ATRNL1: variants seen among roughly 807,000 people sequenced by gnomAD.
The protein encoded by ATRNL1 is attractin-like protein 1.
ATRNL1 carries 95 observed loss-of-function variants against 182.7 expected under a neutral mutation model. The ratio of observed to expected loss-of-function variants is 0.52; its 90% CI spans 0.44 to 0.62. ATRNL1 has a LOEUF of 0.62. ATRNL1 is among the 20% of genes least tolerant of loss of function. ATRNL1 has a pLI of 0.00. For missense variants in ATRNL1, 1,471 were observed against 1,679.5 expected, an observed-to-expected ratio of 0.88 and a Z score of 2.17; for synonymous variants, 576 against 568.3, an observed-to-expected ratio of 1.01 and a Z score of -0.19.
At chr10:115,220,850 G>A (rs1324778965) in intron 9 of ATRNL1, among the ~76,000 whole-genome samples, 1 of 151,118 alleles carries the variant, frequency 6.6e-6, no homozygotes. Flanking sequence ...CCACTATAAA[G>A]CCTGCTACCA....
chr10:115,496,948 C>T (rs1054230125), intron 24 of ATRNL1, among the ~76,000 whole-genome samples: 1 of 152,162 alleles, frequency 6.6e-6, no homozygotes, highest in African/African-American at 2.4e-5. Context: ...TCTAGCAAGG[C>T]TAGGGGAGAA....
At chr10:115,408,158 C>T (rs1029454725) in intron 20 of ATRNL1, among the ~76,000 whole-genome samples, 9 of 151,448 alleles carry the variant, frequency 5.9e-5, no homozygotes, top group African/African-American at 7.3e-5. Context: ...CGCCCGCCAC[C>T]GCGCCCGGCT....
chr10:115,890,381 A>G (rs1338645823), intron 28 of ATRNL1, among the ~76,000 whole-genome samples: 2 of 152,196 alleles, frequency 1.3e-5, no homozygotes, highest in Admixed American at 1.3e-4. Flanking sequence ...ACTTTGTAGT[A>G]TGCATCTTTC....
At chr10:115,833,688 C>T (rs1378355015) in intron 27 of ATRNL1, among the ~76,000 whole-genome samples, 1 of 152,094 alleles carries the variant, frequency 6.6e-6, no homozygotes, top group African/African-American at 2.4e-5. Flanking sequence ...TGCCATTTTA[C>T]AGATGAGGAA....
chr10:115,738,471 A>G (rs1555066792), intron 27 of ATRNL1, among the ~76,000 whole-genome samples: 1 of 152,070 alleles, frequency 6.6e-6, no homozygotes, highest in Non-Finnish European at 1.5e-5. Flanking sequence ...ATTATTTACA[A>G]TAAATAAGAG....
chr10:115,669,888 C>T (rs542128413), intron 26 of ATRNL1, among the ~76,000 whole-genome samples: 1 of 152,088 alleles, frequency 6.6e-6, no homozygotes, highest in African/African-American at 2.4e-5. Flanking sequence ...AAACTGAGAA[C>T]AAGAAAAGGT....
intron 26 of ATRNL1, among the ~76,000 whole-genome samples, chr10:115,688,967 A>C (rs1285215852): frequency 6.6e-6 from 1 of 152,024 alleles, no homozygotes; most frequent in Non-Finnish European, 1.5e-5. Context: ...TTTTGAGTTT[A>C]CTTTTGTGTA....
chr10:115,576,827 C>T (rs1167132711), intron 26 of ATRNL1, among the ~76,000 whole-genome samples: 1 of 151,890 alleles, frequency 6.6e-6, no homozygotes, highest in Non-Finnish European at 1.5e-5. Flanking sequence ...TATCAGAGAG[C>T]TTTTCCTTAT....
intron 28 of ATRNL1, among the ~76,000 whole-genome samples, chr10:115,885,649 G>A (rs979185572): frequency 1.2e-4 from 18 of 152,058 alleles, no homozygotes; most frequent in Non-Finnish European, 2.5e-4. Flanking sequence ...ACTTTTTTCC[G>A]TATATGCTTT....
intron 24 of ATRNL1, among the ~76,000 whole-genome samples, chr10:115,479,327 A>G (rs1848662447): frequency 1.3e-5 from 2 of 151,614 alleles, no homozygotes; most frequent in African/African-American, 4.8e-5. Context: ...AAAATGTCAA[A>G]TGCACAATAT....
intron 26 of ATRNL1, among the ~76,000 whole-genome samples, chr10:115,616,605 A>G (rs1256846469): frequency 5.3e-5 from 8 of 152,318 alleles, no homozygotes; most frequent in Admixed American, 4.6e-4. Flanking sequence ...GAATGCTTCC[A>G]TGGGTGAGGC....
chr10:115,512,996 A>G (rs1306176857), intron 24 of ATRNL1, among the ~76,000 whole-genome samples: 2 of 151,956 alleles, frequency 1.3e-5, no homozygotes, highest in Non-Finnish European at 2.9e-5. Flanking sequence ...ATGCAGTGCA[A>G]CACAAATTTG....
At chr10:115,119,265 C>T (rs1554870830) in intron 1 of ATRNL1, among the ~76,000 whole-genome samples, 1 of 151,962 alleles carries the variant, frequency 6.6e-6, no homozygotes, top group African/African-American at 2.4e-5. Flanking sequence ...AGTTTTTCCC[C>T]CCTAATGTAT....
intron 27 of ATRNL1, among the ~76,000 whole-genome samples, chr10:115,826,260 C>T (rs1950429363): frequency 6.6e-6 from 1 of 152,054 alleles, no homozygotes; most frequent in African/African-American, 2.4e-5. Flanking sequence ...ACACTGGCAC[C>T]CTCTGTCACA....
At chr10:115,531,080 A>G (rs1305455084) in intron 25 of ATRNL1, among the ~76,000 whole-genome samples, 4 of 152,070 alleles carry the variant, frequency 2.6e-5, no homozygotes, top group East Asian at 3.9e-4. Flanking sequence ...TAGTGCCGCA[A>G]TAAACATATG....
At chr10:115,233,370 T>C (rs1554900449) in intron 9 of ATRNL1, among the ~76,000 whole-genome samples, 2 of 152,180 alleles carry the variant, frequency 1.3e-5, no homozygotes, top group African/African-American at 4.8e-5. Context: ...AGGCAATTGA[T>C]TTTTTATTAC....
chr10:115,393,597 G>T (rs1010164329), intron 19 of ATRNL1, among the ~76,000 whole-genome samples: 1 of 152,084 alleles, frequency 6.6e-6, no homozygotes, highest in Non-Finnish European at 1.5e-5. Flanking sequence ...GACACCATCA[G>T]CCTTGTCTGT....
chr10:115,142,572 C>A (rs1390598211), intron 5 of ATRNL1, among the ~76,000 whole-genome samples: 2 of 152,096 alleles, frequency 1.3e-5, no homozygotes, highest in African/African-American at 4.8e-5. Context: ...TTGACTCTTA[C>A]CCTAAGTGAA....
chr10:115,879,498 T>C (rs1001225350), intron 28 of ATRNL1, among the ~76,000 whole-genome samples: 3 of 152,114 alleles, frequency 2.0e-5, no homozygotes, highest in Non-Finnish European at 4.4e-5. Context: ...AGGAAAGATT[T>C]CTTTATAAAC....
Sources: allele counts gnomAD v4.1 joint callset (sites outside exome capture counted in the v4.1 genomes callset), GRCh38; gene constraint gnomAD v4.1.1; transcripts MANE v1.5; gene names NCBI Gene and HGNC (gene_info 2026-07-23, HGNC 2026-07-21).